PPFIA2: variants seen among roughly 807,000 people sequenced by gnomAD.
PPFIA2 encodes the protein PPFI scaffold protein A2, also known as liprin-alpha-2.
A neutral mutation model predicts 175.5 loss-of-function variants in PPFIA2; 46 were observed. The observed-to-expected ratio is 0.26, with a 90% confidence interval of 0.21 to 0.34. The LOEUF is 0.34. Among genes scored for constraint, PPFIA2 ranks in the 10% least tolerant of loss-of-function variants. The probability of loss-of-function intolerance (pLI) is 1.00; values close to 1 mark genes in which losing one functional copy is unlikely to be tolerated. For synonymous variants in PPFIA2, 568 were observed against 511.4 expected (o/e 1.11, Z -1.49); for missense variants, 1,179 against 1,506.1 (o/e 0.78, Z 3.60).
chr12:81,489,279 T>C (rs1301679119), intron 4 of PPFIA2, among the ~76,000 whole-genome samples: 2 of 151,750 alleles, frequency 1.3e-5, no homozygotes, highest in East Asian at 3.9e-4. Flanking sequence ...TGGGTGTATA[T>C]ATATTATTAA....
intron 4 of PPFIA2, among the ~76,000 whole-genome samples, chr12:81,601,040 A>G (rs1047793273): frequency 1.3e-5 from 2 of 151,940 alleles, no homozygotes; most frequent in African/African-American, 2.4e-5. Context: ...TCAGCCAGAA[A>G]ACTATTTTAT....
At chr12:81,334,523 G>A (rs944949825) in intron 21 of PPFIA2, among the ~76,000 whole-genome samples, 8 of 150,936 alleles carry the variant, frequency 5.3e-5, no homozygotes, top group African/African-American at 1.9e-4. Context: ...CTCAACTCTG[G>A]GTCATAAATG....
At chr12:81,503,917 C>T (rs2060858269) in intron 4 of PPFIA2, among the ~76,000 whole-genome samples, 1 of 151,580 alleles carries the variant, frequency 6.6e-6, no homozygotes, top group African/African-American at 2.4e-5. Flanking sequence ...TAAAAAAATA[C>T]AATTTTTAAT....
chr12:81,536,461 C>T lies in PPFIA2; in HGVS notation c.304-78595G>A, dbSNP rs1179953707. The stretch of plus-strand genomic sequence containing the variant: ...TCAACAACCTTATTTTAGATACCAA[C>T]GAAAGACAAGTATTGTTTCCCCAAA... On this transcript the variant is annotated intron_variant, in intron 4 of 32. Coordinates refer to ENST00000549396, the MANE Select transcript of PPFIA2 (RefSeq NM_003625.5). 7.3e-5 allele frequency among the ~76,000 whole-genome samples: 11 copies of T among 150,818 alleles called. No homozygotes were observed. The East Asian group carries it at 9.8e-4, about 13-fold the overall frequency.
At chr12:81,404,535 GAA>G (rs2042590835) in intron 8 of PPFIA2, among the ~76,000 whole-genome samples, 2 of 152,136 alleles carry the variant, frequency 1.3e-5, no homozygotes, top group Non-Finnish European at 2.9e-5. Context: ...TTAGTTGAAG[GAA>G]AGATAAATAA....
chr12:81,559,997 C>A (rs1410874754), intron 4 of PPFIA2, among the ~76,000 whole-genome samples: 4 of 152,108 alleles, frequency 2.6e-5, no homozygotes, highest in African/African-American at 9.7e-5. Flanking sequence ...CACGTTATTA[C>A]ACTTTGCACT....
intron 19 of PPFIA2, among the ~76,000 whole-genome samples, chr12:81,342,083 C>T (rs2058193561): frequency 6.6e-6 from 1 of 151,910 alleles, no homozygotes; most frequent in African/African-American, 2.4e-5. Context: ...CAAAGACATA[C>T]AGAAAACCAA....
chr12:81,679,713 G>A (rs1271700102), intron 3 of PPFIA2, among the ~76,000 whole-genome samples: 1 of 151,890 alleles, frequency 6.6e-6, no homozygotes, highest in East Asian at 1.9e-4. Context: ...TCATTCAATT[G>A]TAAAAAAATG....
intron 4 of PPFIA2, among the ~76,000 whole-genome samples, chr12:81,560,328 G>C (rs1430019390): frequency 6.6e-6 from 1 of 151,904 alleles, no homozygotes; most frequent in African/African-American, 2.4e-5. Context: ...AGGAGAGAAA[G>C]AACAAATCCT....
At chr12:81,668,984 T>G (rs1011853991) in intron 4 of PPFIA2, among the ~76,000 whole-genome samples, 1 of 152,042 alleles carries the variant, frequency 6.6e-6, no homozygotes, top group Non-Finnish European at 1.5e-5. Flanking sequence ...GAAGGCATAC[T>G]ATGTGCCAGC....
At chr12:81,519,336 A>G (rs2062835124) in intron 4 of PPFIA2, among the ~76,000 whole-genome samples, 1 of 152,224 alleles carries the variant, frequency 6.6e-6, no homozygotes, top group East Asian at 1.9e-4. Flanking sequence ...GAAAATACTT[A>G]AAGACTAATT....
chr12:81,601,433 T>C (rs2059777913), intron 4 of PPFIA2, among the ~76,000 whole-genome samples: 1 of 151,946 alleles, frequency 6.6e-6, no homozygotes, highest in East Asian at 1.9e-4. Flanking sequence ...CCAAAGCTTA[T>C]ATATCAAGGT....
At chr12:81,479,901 G>A (rs1176803042) in intron 4 of PPFIA2, among the ~76,000 whole-genome samples, 1 of 151,956 alleles carries the variant, frequency 6.6e-6, no homozygotes, top group Non-Finnish European at 1.5e-5. Flanking sequence ...TGCTCTTCTC[G>A]AGGAGTCTCT....
chr12:81,471,487 A>C (rs1228260840), intron 4 of PPFIA2, among the ~76,000 whole-genome samples: 2 of 148,684 alleles, frequency 1.3e-5, no homozygotes, highest in Admixed American at 6.7e-5. Flanking sequence ...TTTTTTTTTC[A>C]AGGGTGAATA....
At chr12:81,721,295 T>C (rs2079299373) in intron 3 of PPFIA2, among the ~76,000 whole-genome samples, 1 of 151,362 alleles carries the variant, frequency 6.6e-6, no homozygotes, top group African/African-American at 2.4e-5. Context: ...TCTCTAGGAC[T>C]ATATATTTTG....
chr12:81,508,122 T>C (rs1395407562), intron 4 of PPFIA2, among the ~76,000 whole-genome samples: 2 of 152,168 alleles, frequency 1.3e-5, no homozygotes, highest in African/African-American at 4.8e-5. Flanking sequence ...GTACGCAATA[T>C]ATAAATATAT....
At chr12:81,470,233 T>G (rs1309301251) in intron 4 of PPFIA2, among the ~76,000 whole-genome samples, 14 of 152,114 alleles carry the variant, frequency 9.2e-5, no homozygotes. Context: ...CTATTACAAT[T>G]CTATAATAAG....
At chr12:81,578,058 A>G (rs1171743218) in intron 4 of PPFIA2, among the ~76,000 whole-genome samples, 2 of 151,688 alleles carry the variant, frequency 1.3e-5, no homozygotes, top group African/African-American at 4.8e-5. Context: ...TCACAGGACC[A>G]GCAATTTAGT....
At chr12:81,267,044 C>T in intron 29 of PPFIA2, 24 bp from the exon 30 acceptor site, 1 of 1,534,246 alleles carries the variant, frequency 6.5e-7, no homozygotes, top group South Asian at 1.1e-5. Context: ...ATTACAGTTA[C>T]CATCACCGAA....
Sources: gnomAD v4.1 joint callset for allele counts (sites outside exome capture counted in the v4.1 genomes callset) on GRCh38, gnomAD v4.1.1 for gene constraint, MANE v1.5 for transcripts, NCBI Gene and HGNC (gene_info 2026-07-23, HGNC 2026-07-21) for gene names.